Variants in CALN1 observed in about 807,000 individuals in gnomAD.
CALN1 encodes calneuron 1, also known as calcium-binding protein 8.
Under a neutral mutation model 30.6 loss-of-function variants are expected in CALN1, and 17 were observed. That is an observed-to-expected ratio of 0.56 (90% CI 0.38 to 0.83). CALN1 has a LOEUF of 0.83. Ranked by LOEUF, CALN1 falls within the 40% of genes least tolerant of loss-of-function variation. CALN1 has a pLI of 0.00. For missense variants in CALN1, 291 were observed against 354.9 expected (o/e 0.82, Z 1.45); for synonymous variants, 156 against 131.4 (o/e 1.19, Z -1.28).
chr7:72,178,401 G>A (rs1364183327), intron 3 of CALN1, among the ~76,000 whole-genome samples: 1 of 152,142 alleles, frequency 6.6e-6, no homozygotes, highest in East Asian at 1.9e-4. Context: ...AACTAAAAAA[G>A]GGTTCCTTGG....
At chr7:72,488,644 C>T in the CALN1 span, among the ~76,000 whole-genome samples, 1 of 152,116 alleles carries the variant, frequency 6.6e-6, no homozygotes, top group Non-Finnish European at 1.5e-5. Context: ...TCCTGTTACC[C>T]TGCCAGCTTC....
At chr7:72,273,436 A>AAG (rs1797128382) in intron 3 of CALN1, among the ~76,000 whole-genome samples, 1 of 141,814 alleles carries the variant, frequency 7.1e-6, no homozygotes. Flanking sequence ...AAAAAAAAAA[A>AAG]GCGGCGGGCG....
intron 3 of CALN1, among the ~76,000 whole-genome samples, chr7:72,207,077 A>G (rs186156342): frequency 2.6e-5 from 4 of 152,216 alleles, no homozygotes; most frequent in Non-Finnish European, 5.9e-5. Context: ...ACAATTTGCC[A>G]GAAAGAAAAA....
chr7:72,478,394 T>A, the CALN1 span, among the ~76,000 whole-genome samples: 5 of 144,362 alleles, frequency 3.5e-5, no homozygotes, highest in Non-Finnish European at 7.4e-5. Context: ...TATATAGAAA[T>A]ATATATATAT....
At chr7:71,891,938 C>T (rs559878608) in intron 5 of CALN1, among the ~76,000 whole-genome samples, 30 of 147,212 alleles carry the variant, frequency 2.0e-4, no homozygotes, top group East Asian at 1.4e-3. Flanking sequence ...AGTGAGACTC[C>T]GTCTCAAAAA....
chr7:71,875,999 TATCAG>T (rs1410078482), intron 5 of CALN1, among the ~76,000 whole-genome samples: 1 of 152,120 alleles, frequency 6.6e-6, no homozygotes, highest in African/African-American at 2.4e-5. Flanking sequence ...GAAACCTATT[TATCAG>T]ATGAGAGGTT....
intron 3 of CALN1, among the ~76,000 whole-genome samples, chr7:72,115,484 CTTTTTTTTTTTT>C (rs71069026): frequency 1.2e-5 from 1 of 80,596 alleles, no homozygotes; most frequent in Non-Finnish European, 2.1e-5. Context: ...CATATACATT[CTTTTTTTTTTTT>C]TTTTTTTTTT....
At chr7:71,829,756 T>C (rs1789149187) in intron 5 of CALN1, among the ~76,000 whole-genome samples, 1 of 152,190 alleles carries the variant, frequency 6.6e-6, no homozygotes, top group African/African-American at 2.4e-5. Context: ...CTGTTTGCAG[T>C]CTGCACTGTC....
At chr7:72,298,517 C>T (rs950400253) in intron 2 of CALN1, among the ~76,000 whole-genome samples, 1 of 152,214 alleles carries the variant, frequency 6.6e-6, no homozygotes, top group African/African-American at 2.4e-5. Context: ...AGCTTGGTCA[C>T]TGTCTTGGGG....
intron 3 of CALN1, among the ~76,000 whole-genome samples, chr7:72,172,316 T>C (rs1789029351): frequency 6.6e-6 from 1 of 152,228 alleles, no homozygotes; most frequent in African/African-American, 2.4e-5. Context: ...CAGGGAGTGC[T>C]TTGATACCTT....
chr7:72,195,122 T>C (rs1476027397), intron 3 of CALN1, among the ~76,000 whole-genome samples: 1 of 152,184 alleles, frequency 6.6e-6, no homozygotes, highest in Admixed American at 6.5e-5. Flanking sequence ...AGTGCCTTCA[T>C]GCATCAGCTC....
chr7:71,914,270 A>G (rs745733703), intron 5 of CALN1, among the ~76,000 whole-genome samples: 1 of 152,164 alleles, frequency 6.6e-6, no homozygotes, highest in East Asian at 1.9e-4. Context: ...TGTTCTCATC[A>G]TTTACCTCCC....
intron 5 of CALN1, among the ~76,000 whole-genome samples, chr7:71,893,248 T>C (rs1793347251): frequency 1.3e-5 from 2 of 152,176 alleles, no homozygotes; most frequent in Admixed American, 1.3e-4. Context: ...TACTGGCGTT[T>C]AGTGGGTAGA....
At chr7:71,921,942 T>C (rs1794968931) in intron 5 of CALN1, among the ~76,000 whole-genome samples, 1 of 152,112 alleles carries the variant, frequency 6.6e-6, no homozygotes, top group South Asian at 2.1e-4. Flanking sequence ...TAACAACCTT[T>C]GGTTCCCATA....
At chr7:72,054,727 G>A (rs1280416626) in intron 4 of CALN1, among the ~76,000 whole-genome samples, 12 of 151,710 alleles carry the variant, frequency 7.9e-5, no homozygotes, top group South Asian at 4.2e-4. Flanking sequence ...ACATGGATGC[G>A]AAGAGGGGAA....
chr7:72,398,680 CAAG>C (rs1562947946), intron 2 of CALN1, among the ~76,000 whole-genome samples: 1 of 152,220 alleles, frequency 6.6e-6, no homozygotes, highest in Non-Finnish European at 1.5e-5. Flanking sequence ...ATAGTCTGGA[CAAG>C]AAGTAAAGAA....
chr7:72,405,762 C>T (rs1806653683), intron 1 of CALN1, among the ~76,000 whole-genome samples: 1 of 152,074 alleles, frequency 6.6e-6, no homozygotes, highest in Admixed American at 6.5e-5. Flanking sequence ...CTTTTAGTTG[C>T]CATGGCAGTC....
At chr7:71,974,232 A>C (rs1797988886) in intron 5 of CALN1, among the ~76,000 whole-genome samples, 3 of 152,184 alleles carry the variant, frequency 2.0e-5, no homozygotes, top group Middle Eastern at 6.8e-3. Context: ...AGCCTGGCCA[A>C]CATGGCAAAA....
At chr7:72,314,733 A>C (rs927140605) in intron 2 of CALN1, among the ~76,000 whole-genome samples, 1 of 152,004 alleles carries the variant, frequency 6.6e-6, no homozygotes, top group Non-Finnish European at 1.5e-5. Flanking sequence ...TAATTTTTAA[A>C]AGAACGCAGA....
Sources: allele counts gnomAD v4.1 joint callset (sites outside exome capture counted in the v4.1 genomes callset), GRCh38; gene constraint gnomAD v4.1.1; transcripts MANE v1.5; gene names NCBI Gene and HGNC (gene_info 2026-07-23, HGNC 2026-07-21).